EEIG2: variants seen among roughly 807,000 people sequenced by gnomAD.
EEIG2 encodes family with sequence similarity 102 member B.
At chr1:108,578,701 T>G in the EEIG2 span, among the ~76,000 whole-genome samples, 2 of 151,710 alleles carry the variant, frequency 1.3e-5, no homozygotes, top group African/African-American at 2.4e-5. Context: ...AAGGTCGGGT[T>G]ACCCACAAAG....
chr1:108,604,211 A>C, the EEIG2 span, among the ~76,000 whole-genome samples: 1 of 152,340 alleles, frequency 6.6e-6, no homozygotes, highest in East Asian at 1.9e-4. Flanking sequence ...GATTGGACGC[A>C]GTAGATCAGG....
the EEIG2 span, chr1:108,638,612 G>T: frequency 6.6e-6 from 1 of 152,174 alleles, no homozygotes; most frequent in African/African-American, 2.4e-5. Context: ...CTGAAATTCT[G>T]TTTGGTCAGT....
the EEIG2 span, chr1:108,616,392 G>C: frequency 6.2e-7 from 1 of 1,600,318 alleles, no homozygotes; most frequent in Admixed American, 1.7e-5. Context: ...GTTTTGATCA[G>C]TATGCAACTG....
At chr1:108,637,375 T>C in the EEIG2 span, 2 of 152,124 alleles carry the variant, frequency 1.3e-5, no homozygotes, top group Non-Finnish European at 2.9e-5. Context: ...GTGTTCAAAT[T>C]TCAGTGCAGT....
chr1:108,601,414 T>C, the EEIG2 span, among the ~76,000 whole-genome samples: 1 of 151,894 alleles, frequency 6.6e-6, no homozygotes, highest in Non-Finnish European at 1.5e-5. Context: ...ACGCCAGTTC[T>C]GCGTCCTTGT....
chr1:108,579,772 T>TGTGTGTGTGTGTGTGAGA, the EEIG2 span, among the ~76,000 whole-genome samples: 1 of 58,822 alleles, frequency 1.7e-5, no homozygotes, highest in African/African-American at 6.5e-5. Context: ...TGTGTGTGTG[T>TGTGTGTGTGTGTGTGAGA]GAGAGAGAGA....
chr1:108,617,039 G>A, the EEIG2 span, among the ~76,000 whole-genome samples: 3 of 152,182 alleles, frequency 2.0e-5, no homozygotes, highest in African/African-American at 7.2e-5. Context: ...GCATTAGGGG[G>A]AAGAGTATTT....
the EEIG2 span, among the ~76,000 whole-genome samples, chr1:108,608,585 G>A: frequency 6.6e-6 from 1 of 152,206 alleles, no homozygotes; most frequent in African/African-American, 2.4e-5. Flanking sequence ...CTCTTTCAAG[G>A]CGGAGTAGGT....
the EEIG2 span, among the ~76,000 whole-genome samples, chr1:108,594,959 T>G: frequency 9.2e-5 from 14 of 152,290 alleles, no homozygotes; most frequent in African/African-American, 3.4e-4. Context: ...ATATTTCTGC[T>G]AATATTTCTT....
the EEIG2 span, among the ~76,000 whole-genome samples, chr1:108,631,499 CAG>C: frequency 6.6e-6 from 1 of 152,052 alleles, no homozygotes; most frequent in Non-Finnish European, 1.5e-5. Flanking sequence ...TTTGAGAGAA[CAG>C]AAACAGGATC....
At chr1:108,590,480 C>T in the EEIG2 span, among the ~76,000 whole-genome samples, 2 of 152,316 alleles carry the variant, frequency 1.3e-5, no homozygotes, top group East Asian at 3.9e-4. Context: ...TTGAGATACA[C>T]TGTAAGCCAG....
At chr1:108,635,148 T>A in the EEIG2 span, 1 of 1,614,160 alleles carries the variant, frequency 6.2e-7, no homozygotes, top group South Asian at 1.1e-5. Context: ...GATCAAACGC[T>A]AGAAGTCAAG....
At chr1:108,632,111 C>CAAAA in the EEIG2 span, among the ~76,000 whole-genome samples, 1 of 65,380 alleles carries the variant, frequency 1.5e-5, no homozygotes, top group African/African-American at 7.2e-5. Flanking sequence ...GAGACTGTCT[C>CAAAA]AAAAAAAAAA....
chr1:108,626,927 C>T, the EEIG2 span: 2 of 152,156 alleles, frequency 1.3e-5, no homozygotes, highest in African/African-American at 4.8e-5. Context: ...GATGCACTGT[C>T]CTTTGGAGCT....
the EEIG2 span, among the ~76,000 whole-genome samples, chr1:108,588,369 T>C: frequency 6.6e-6 from 1 of 152,116 alleles, no homozygotes; most frequent in African/African-American, 2.4e-5. Context: ...ACCAACACTT[T>C]GTCTTTTGTC....
the EEIG2 span, among the ~76,000 whole-genome samples, chr1:108,579,740 TG>T: frequency 1.6e-5 from 1 of 63,164 alleles, no homozygotes; most frequent in Non-Finnish European, 3.0e-5. Context: ...GTTTTTTTGG[TG>T]TGTGTGTGTG....
the EEIG2 span, chr1:108,560,461 G>A: frequency 8.7e-6 from 14 of 1,612,222 alleles, no homozygotes; most frequent in African/African-American, 1.3e-5. Context: ...AGTTTAAGGT[G>A]GACTTCGAGC....
the EEIG2 span, chr1:108,616,323 C>A: frequency 9.5e-7 from 1 of 1,056,404 alleles, no homozygotes. Context: ...GGACTAAGTG[C>A]TGTGAAGGAA....
chr1:108,581,778 T>C, the EEIG2 span, among the ~76,000 whole-genome samples: 2 of 152,206 alleles, frequency 1.3e-5, no homozygotes, highest in African/African-American at 4.8e-5. Context: ...CTAGTGAAGA[T>C]ACTGTGAAAA....
Sources: gnomAD v4.1 joint callset for allele counts (sites outside exome capture counted in the v4.1 genomes callset) on GRCh38, gnomAD v4.1.1 for gene constraint, MANE v1.5 for transcripts, NCBI Gene and HGNC (gene_info 2026-07-23, HGNC 2026-07-21) for gene names.